Variants in MACROH2A1 observed in about 807,000 individuals in gnomAD.
MACROH2A1 encodes core histone macro-H2A.1.
A neutral mutation model predicts 31.6 loss-of-function variants in MACROH2A1; 2 were observed. The observed-to-expected ratio is 0.06, with a 90% CI of 0.03 to 0.20. The LOEUF (loss-of-function observed/expected upper bound fraction) is 0.20. MACROH2A1 is among the 10% of genes least tolerant of loss of function. The pLI is 1.00. For synonymous variants in MACROH2A1, 169 were observed against 189.6 expected, an observed-to-expected ratio of 0.89 and a Z score of 0.89; for missense variants, 230 against 474.0, an observed-to-expected ratio of 0.49 and a Z score of 4.78.
At chr5:135,360,988 C>A (rs1762775812) in intron 4 of MACROH2A1, 11 of 352,948 alleles carry the variant, frequency 3.1e-5, no homozygotes, top group South Asian at 2.5e-4. Context: ...AGAAGAAAAA[C>A]TGTTCTAGGT....
intron 5 of MACROH2A1, chr5:135,357,225 T>C (rs1762282451): frequency 6.6e-6 from 1 of 152,204 alleles, no homozygotes; most frequent in South Asian, 2.1e-4. Flanking sequence ...AGGACATGGA[T>C]AGATACTGCT....
chr5:135,346,852 T>G (rs1488898496), intron 6 of MACROH2A1: 1 of 152,226 alleles, frequency 6.6e-6, no homozygotes, highest in Non-Finnish European at 1.5e-5. Context: ...TGCTAAGTAA[T>G]CAGTTCCTGC....
chr5:135,342,466 T>C (rs978133137), intron 8 of MACROH2A1, among the ~76,000 whole-genome samples: 1 of 152,186 alleles, frequency 6.6e-6, no homozygotes, highest in Non-Finnish European at 1.5e-5. Context: ...TTTGCTGACA[T>C]GTGTGGGGTG....
chr5:135,385,245 A>T (rs1024076503), intron 2 of MACROH2A1, among the ~76,000 whole-genome samples: 3 of 152,238 alleles, frequency 2.0e-5, no homozygotes, highest in Non-Finnish European at 4.4e-5. Flanking sequence ...TAGGAACTTC[A>T]GTGACACCTA....
chr5:135,395,517 C>T (rs1158882428), intron 1 of MACROH2A1, among the ~76,000 whole-genome samples: 1 of 152,178 alleles, frequency 6.6e-6, no homozygotes, highest in African/African-American at 2.4e-5. Context: ...ATGCATTTGT[C>T]ACCTTCCCAT....
At chr5:135,338,932 A>AG (rs1759283934) in intron 8 of MACROH2A1, among the ~76,000 whole-genome samples, 1 of 152,168 alleles carries the variant, frequency 6.6e-6, no homozygotes, top group African/African-American at 2.4e-5. Context: ...TAGGTGTTTC[A>AG]GGGGTCTGTG....
Position 135,369,026 on chromosome 5 carries a change from G to C in MACROH2A1, c.477+380C>G, listed in dbSNP as rs1008905990. Among the ~76,000 whole-genome samples the C allele has an allele frequency of 1.3e-5, 2 of 152,246 alleles. No homozygotes were observed. Among genetic ancestry groups the C allele is most frequent in the African/African-American group, 2.4e-5 (1 of 41,466 alleles). The stretch of plus-strand genomic sequence containing the variant: ...GTTCTGCAACTGAGCATCAGGGCAT[G>C]CAGGTAGCTGGCCACAGGACTAGAC... On this transcript the variant is annotated intron_variant, in intron 4 of 8. Transcript: ENST00000511689. The surrounding 1 kb of genome is among the most constrained non-coding windows in gnomAD (Gnocchi z 4.3).
chr5:135,393,691 A>G (rs1415583721), intron 1 of MACROH2A1, among the ~76,000 whole-genome samples: 1 of 152,196 alleles, frequency 6.6e-6, no homozygotes, highest in Non-Finnish European at 1.5e-5. Context: ...TGCTTTGAAA[A>G]CAATGATAGG....
At chr5:135,357,998 G>A (rs1009708522) in intron 5 of MACROH2A1, 1 of 985,206 alleles carries the variant, frequency 1.0e-6, no homozygotes, top group South Asian at 4.7e-5. Flanking sequence ...ATAGAAAAAT[G>A]AGATTCATAG....
chr5:135,336,978 G>A (rs1257793056), intron 8 of MACROH2A1, among the ~76,000 whole-genome samples: 1 of 152,198 alleles, frequency 6.6e-6, no homozygotes, highest in Non-Finnish European at 1.5e-5. Flanking sequence ...AGGGCTTCTG[G>A]AGCAGGCAGA....
intron 2 of MACROH2A1, among the ~76,000 whole-genome samples, 167 bp from the exon 3 acceptor site, chr5:135,370,309 C>A (rs1339373742): frequency 6.6e-6 from 1 of 152,190 alleles, no homozygotes; most frequent in Non-Finnish European, 1.5e-5. Context: ...AATGGCAAAG[C>A]TGAGTGGGAC....
chr5:135,371,776 T>C (rs1394861763), intron 2 of MACROH2A1, among the ~76,000 whole-genome samples: 1 of 152,116 alleles, frequency 6.6e-6, no homozygotes, highest in Non-Finnish European at 1.5e-5. Context: ...AAATCTGACC[T>C]CCTCCCAGTA....
Position 135,360,401 on chromosome 5 carries a change from T to C in MACROH2A1, c.588+96A>G, listed in dbSNP as rs1392259551. On this transcript the variant is annotated intron_variant, in intron 5 of 8. Transcript: ENST00000511689. ...CTCTGTCTACCCACGAGGCTGGGAG[T>C]GGCCCCCGGGATCCCCCCAGCCTTC... 4 of 812,812 alleles carry C rather than the reference T, an allele frequency of 4.9e-6. No individual in the cohort carries two copies. In the African/African-American group the frequency reaches 6.7e-5, roughly 14 times the overall value. 50.3% of individuals were successfully genotyped at this position (812,812 alleles called of 1,614,324 possible). A position where few individuals can be genotyped will look rare whatever the true frequency, so the allele number is the denominator to read the frequency against.
chr5:135,351,012 C>T lies in MACROH2A1; in HGVS notation c.688+1934G>A, dbSNP rs562184139. On this transcript the variant is annotated intron_variant, in intron 6 of 8. Transcript: ENST00000511689. Reference sequence around the variant, plus strand: ...CAATGGCAGGGCTGGCCTACCTGGTCGATTCCAACATATGAGCCCAAGGGG... The same window carrying T: ...CAATGGCAGGGCTGGCCTACCTGGTTGATTCCAACATATGAGCCCAAGGGG... The T allele has an allele frequency of 2.3e-4, 173 of 765,266 alleles. No individual in the cohort carries two copies. The African/African-American group carries it at 2.3e-3, about 10-fold the overall frequency. 47.4% of individuals were successfully genotyped at this position (765,266 alleles called of 1,614,324 possible). A position where few individuals can be genotyped will look rare whatever the true frequency, so the allele number is the denominator to read the frequency against.
chr5:135,387,356 T>G (rs1402027602), intron 2 of MACROH2A1, among the ~76,000 whole-genome samples: 1 of 152,214 alleles, frequency 6.6e-6, no homozygotes, highest in African/African-American at 2.4e-5. Context: ...CATGCCCAGA[T>G]GCTTTCAACA....
intron 5 of MACROH2A1, chr5:135,354,370 C>G (rs1761930083): frequency 6.6e-6 from 1 of 152,290 alleles, no homozygotes; most frequent in South Asian, 2.1e-4. Context: ...TGTGCTTACA[C>G]TAAGAGTCAT....
At chr5:135,337,274 G>T (rs549287578) in intron 8 of MACROH2A1, among the ~76,000 whole-genome samples, 1 of 152,276 alleles carries the variant, frequency 6.6e-6, no homozygotes, top group Non-Finnish European at 1.5e-5. Context: ...CGGGCTGCAT[G>T]CCCAGGCAGC....
intron 8 of MACROH2A1, chr5:135,337,808 G>GCAGACGGTTCCACCGGAATGTCC (rs2149703727): frequency 3.5e-6 from 1 of 285,102 alleles, no homozygotes; most frequent in African/African-American, 2.3e-5. Flanking sequence ...TTAATAGAGA[G>GCAGACGGTTCCACCGGAATGTCC]CAGACGGTTC....
chr5:135,394,616 A>G (rs1474101290), intron 1 of MACROH2A1, among the ~76,000 whole-genome samples: 3 of 152,024 alleles, frequency 2.0e-5, no homozygotes, highest in Non-Finnish European at 2.9e-5. Flanking sequence ...TATATACAGT[A>G]CTCTGCAAAT....
Sources: gnomAD v4.1 joint callset for allele counts (sites outside exome capture counted in the v4.1 genomes callset) on GRCh38, gnomAD v4.1.1 for gene constraint, Gnocchi (gnomAD v3.1) non-coding constraint, MANE v1.5 for transcripts, NCBI Gene and HGNC (gene_info 2026-07-23, HGNC 2026-07-21) for gene names.